Variants in MBNL2 observed in about 807,000 individuals in gnomAD.
MBNL2 encodes muscleblind-like protein 2.
Under a neutral mutation model 41.9 loss-of-function variants are expected in MBNL2, and 17 were observed. That is an observed-to-expected ratio of 0.41 (90% CI 0.28 to 0.61). The LOEUF (loss-of-function observed/expected upper bound fraction) is 0.61, where lower values mean the gene tolerates loss of function less well. Ranked by LOEUF, MBNL2 falls within the 20% of genes least tolerant of loss-of-function variation. The pLI, the probability that MBNL2 is intolerant of heterozygous loss-of-function variation, is 0.35. For missense variants in MBNL2, 336 were observed against 505.6 expected (o/e 0.66, Z 3.22); for synonymous variants, 195 against 182.9 (o/e 1.07, Z -0.53).
intron 5 of MBNL2, among the ~76,000 whole-genome samples, chr13:97,353,534 G>A (rs1176230081): frequency 6.6e-6 from 1 of 152,192 alleles, no homozygotes; most frequent in Non-Finnish European, 1.5e-5. Flanking sequence ...ATTGTCTGGA[G>A]ATTTCCTGCT....
chr13:97,194,972 A>C, the MBNL2 span, among the ~76,000 whole-genome samples: 1 of 152,176 alleles, frequency 6.6e-6, no homozygotes. Context: ...AAAAATAGCC[A>C]ATCAGCAGCC....
intron 1 of MBNL2, among the ~76,000 whole-genome samples, chr13:97,234,983 T>C (rs899042199): frequency 1.3e-5 from 2 of 151,666 alleles, no homozygotes; most frequent in African/African-American, 4.8e-5. Flanking sequence ...CCTGCCCTCC[T>C]TCCTCGTAGA....
At chr13:97,183,593 A>G in the MBNL2 span, among the ~76,000 whole-genome samples, 2 of 152,174 alleles carry the variant, frequency 1.3e-5, no homozygotes, top group Non-Finnish European at 2.9e-5. Context: ...AGTGGCCAGC[A>G]CCTGGTGTTT....
chr13:97,208,805 A>C, the MBNL2 span, among the ~76,000 whole-genome samples: 1 of 152,226 alleles, frequency 6.6e-6, no homozygotes, highest in Non-Finnish European at 1.5e-5. Context: ...TAGGTTGTGT[A>C]CTATACAACT....
the MBNL2 span, among the ~76,000 whole-genome samples, chr13:97,190,247 G>C: frequency 2.6e-5 from 4 of 152,204 alleles, no homozygotes; most frequent in South Asian, 6.2e-4. Context: ...CCCTTGTTCT[G>C]TGTAAATAAA....
At chr13:97,286,112 C>T (rs1041745817) in intron 2 of MBNL2, among the ~76,000 whole-genome samples, 2 of 152,220 alleles carry the variant, frequency 1.3e-5, no homozygotes, top group Non-Finnish European at 2.9e-5. Context: ...ATTTCTATCT[C>T]AGCCCTGATT....
At chr13:97,293,050 T>C (rs1259844651) in intron 2 of MBNL2, among the ~76,000 whole-genome samples, 3 of 152,090 alleles carry the variant, frequency 2.0e-5, no homozygotes, top group East Asian at 1.9e-4. Flanking sequence ...TCATCATCAT[T>C]ATTATTATTT....
chr13:97,262,653 T>C (rs1251181615), intron 1 of MBNL2, among the ~76,000 whole-genome samples: 1 of 152,174 alleles, frequency 6.6e-6, no homozygotes, highest in Non-Finnish European at 1.5e-5. Flanking sequence ...TCTGGATCCA[T>C]GCCCATCACT....
chr13:97,356,742 G>A (rs2063019706), intron 5 of MBNL2, 54 bp from the exon 6 acceptor site: 4 of 1,118,612 alleles, frequency 3.6e-6, no homozygotes, highest in Non-Finnish European at 5.0e-6. Flanking sequence ...ATGTTAATTC[G>A]CTTGAATCCC....
At chr13:97,153,722 T>C in the MBNL2 span, among the ~76,000 whole-genome samples, 2 of 152,178 alleles carry the variant, frequency 1.3e-5, no homozygotes. Flanking sequence ...CCACAAACCT[T>C]AAAGCACTGC....
At chr13:97,253,384 G>A (rs534216396) in intron 1 of MBNL2, among the ~76,000 whole-genome samples, 2 of 152,222 alleles carry the variant, frequency 1.3e-5, no homozygotes, top group African/African-American at 4.8e-5. Flanking sequence ...TCATATAATT[G>A]TGCCCCAAAT....
At chr13:97,348,074 A>ATT (rs71692187) in intron 5 of MBNL2, among the ~76,000 whole-genome samples, 7,940 of 120,158 alleles carry the variant, frequency 0.066, 398 homozygotes, top group African/African-American at 0.12. Flanking sequence ...GGGCAGTGGG[A>ATT]TTTTTTTTTT....
intron 2 of MBNL2, among the ~76,000 whole-genome samples, chr13:97,305,041 G>C (rs909367423): frequency 6.6e-6 from 1 of 152,078 alleles, no homozygotes; most frequent in Admixed American, 6.5e-5. Flanking sequence ...TGTTCTGTTG[G>C]GCTTTCTGCC....
chr13:97,213,679 T>C, the MBNL2 span, among the ~76,000 whole-genome samples: 1 of 152,126 alleles, frequency 6.6e-6, no homozygotes, highest in African/African-American at 2.4e-5. Context: ...ATCATGAATG[T>C]TTCAATTGGG....
At chr13:97,148,598 A>G in the MBNL2 span, among the ~76,000 whole-genome samples, 2 of 152,162 alleles carry the variant, frequency 1.3e-5, no homozygotes, top group African/African-American at 2.4e-5. Context: ...CTTCTGCTCA[A>G]TTTTGCTGTG....
chr13:97,173,097 G>GTATATATGTATATA, the MBNL2 span, among the ~76,000 whole-genome samples: 7 of 152,170 alleles, frequency 4.6e-5, no homozygotes, highest in Non-Finnish European at 1.0e-4. Flanking sequence ...ATGTATATGT[G>GTATATATGTATATA]TGTGTATGTA....
chr13:97,203,367 TTATTA>T, the MBNL2 span, among the ~76,000 whole-genome samples: 2 of 152,228 alleles, frequency 1.3e-5, no homozygotes, highest in African/African-American at 2.4e-5. Flanking sequence ...GCGCAAGTCT[TTATTA>T]TATTATATGA....
chr13:97,248,788 G>A (rs1423932179), intron 1 of MBNL2, among the ~76,000 whole-genome samples: 2 of 152,062 alleles, frequency 1.3e-5, no homozygotes, highest in Non-Finnish European at 2.9e-5. Flanking sequence ...TGTTCAAACT[G>A]TCATATGTGG....
chr13:97,253,778 G>T (rs1054035704), intron 1 of MBNL2, among the ~76,000 whole-genome samples: 1 of 146,136 alleles, frequency 6.8e-6, no homozygotes, highest in Non-Finnish European at 1.5e-5. Flanking sequence ...TTATTAATAC[G>T]TATTAATAAG....
Sources: allele counts gnomAD v4.1 joint callset (sites outside exome capture counted in the v4.1 genomes callset), GRCh38; gene constraint gnomAD v4.1.1; transcripts MANE v1.5; gene names NCBI Gene and HGNC (gene_info 2026-07-23, HGNC 2026-07-21).